TRIO: variants seen among roughly 807,000 people sequenced by gnomAD.
TRIO encodes the protein triple functional domain protein.
In TRIO, 58 loss-of-function variants were observed where a neutral mutation model predicts 351.9. That is an observed-to-expected ratio of 0.16 (90% CI 0.13 to 0.21). TRIO has a LOEUF of 0.21. TRIO is among the 10% of genes least tolerant of loss of function. The probability of loss-of-function intolerance (pLI) is 1.00; values close to 1 mark genes in which losing one functional copy is unlikely to be tolerated. For synonymous variants in TRIO, 1,758 were observed against 1,595.7 expected, an observed-to-expected ratio of 1.10 and a Z score of -2.42; for missense variants, 3,201 against 4,027.8, an observed-to-expected ratio of 0.79 and a Z score of 5.56.
chr5:14,253,518 T>C (rs116084893), intron 1 of TRIO, among the ~76,000 whole-genome samples: 1,716 of 152,252 alleles, frequency 0.011, 18 homozygotes, highest in Non-Finnish European at 0.017. Context: ...TTCTTTTTTT[T>C]TGTGGAGACA....
At chr5:14,336,854 T>G (rs1741463645) in intron 11 of TRIO, 127 bp downstream of exon 11, 1 of 1,006,622 alleles carries the variant, frequency 9.9e-7, no homozygotes, top group Non-Finnish European at 1.5e-6. Context: ...ATGTAGCCCA[T>G]TAGTGCTGAG....
intron 1 of TRIO, among the ~76,000 whole-genome samples, chr5:14,265,703 T>C (rs1056119857): frequency 6.6e-6 from 1 of 152,214 alleles, no homozygotes; most frequent in Admixed American, 6.5e-5. Flanking sequence ...TTTGTCTCAG[T>C]GCAGCATCTC....
At chr5:14,503,087 A>G (rs1325804775) in intron 54 of TRIO, among the ~76,000 whole-genome samples, 2 of 152,222 alleles carry the variant, frequency 1.3e-5, no homozygotes, top group Non-Finnish European at 2.9e-5. Flanking sequence ...TTCCCCATCA[A>G]AGGGGTTCTT....
intron 38 of TRIO, 43 bp downstream of exon 38, chr5:14,471,509 G>T (rs369087014): frequency 3.1e-6 from 5 of 1,607,188 alleles, no homozygotes; most frequent in Non-Finnish European, 4.3e-6. Flanking sequence ...TCTGGGTTCC[G>T]TCCTGTCTTT....
intron 3 of TRIO, among the ~76,000 whole-genome samples, chr5:14,281,375 A>T (rs755959878): frequency 2.5e-4 from 38 of 151,350 alleles, no homozygotes; most frequent in Non-Finnish European, 4.4e-4. Context: ...AGATCTCATG[A>T]GAACTCCATC....
Position 14,290,888 on chromosome 5 carries a change from A to G in TRIO, c.713A>G (p.Gln238Arg). The stretch of plus-strand genomic sequence containing the variant: ...ATGCTGTCTCGGCTGGAGGAACTTC[A>G]GGACATCCTAGCTAAGAAGGAGCTG... ...THMLSRLEEL[Q>R]DILAKKELPQ... Residue 238 changes from glutamine to arginine, a missense_variant, in exon 5 of 57, where the codon CAG (glutamine) becomes CGG (arginine). Transcript: ENST00000344204. 6.2e-7 allele frequency: 1 copy of G among 1,614,192 alleles called. No individual in the cohort carries two copies. Among genetic ancestry groups the G allele is most frequent in the African/African-American group, 1.3e-5 (1 of 75,050 alleles).
rs541195944 is a variant in TRIO, at chr5:14,409,872, C to T, written c.4959+3200C>T. Among the ~76,000 whole-genome samples the T allele has an allele frequency of 2.0e-4, 31 of 151,546 alleles. No individual in the cohort carries two copies. The East Asian group carries it at 3.5e-3, about 17-fold the overall frequency. On this transcript the variant is annotated intron_variant, in intron 33 of 56. Coordinates refer to ENST00000344204, the MANE Select transcript of TRIO (RefSeq NM_007118.4). ...AAAAAAAGAAATCCCTGAAGGGTCT[C>T]TCCTGCCAGTTCCACCATTGCCTCT...
At position 14,304,512 on chromosome 5, in the gene TRIO, C is replaced by T. The variant is rs139674608; in HGVS notation, c.1420C>T (p.Pro474Ser). Reference sequence around the variant, plus strand: ...TAAAGCTTGCGGTGAGGTAGACCTTCCCTCAGAGCTGCAGGACCTAGAAGA... The same window carrying T: ...TAAAGCTTGCGGTGAGGTAGACCTTTCCTCAGAGCTGCAGGACCTAGAAGA... ...WCKACGEVDL[P>S]SELQDLEDAI... Residue 474 changes from proline (P) to serine (S), a missense_variant, in exon 8 of 57, where the codon CCC becomes TCC. Around this residue, in one of 19 missense-constraint regions of TRIO, gnomAD observed 349 missense variants for 449.3 expected, o/e 0.78. Coordinates refer to ENST00000344204, the MANE Select transcript of TRIO (RefSeq NM_007118.4). The T allele has an allele frequency of 6.2e-7, 1 of 1,613,932 alleles. No individual in the cohort carries two copies. The highest frequency in any genetic ancestry group is 8.5e-7 in the Non-Finnish European group (1 of 1,179,926).
rs186296040 is a variant in TRIO at position 14,238,585 on chromosome 5, T to G, written c.158-32240T>G. On this transcript the variant is annotated intron_variant, in intron 1 of 56. Coordinates refer to ENST00000344204, the MANE Select transcript of TRIO (RefSeq NM_007118.4). ...GGGGTATGAATCTTTCTTCTTTATG[T>G]TCCATGCACATTTAATAGCAGACGA... 1.1e-3 allele frequency among the ~76,000 whole-genome samples: 165 copies of G among 152,354 alleles called. 2 individuals carry two copies. The highest frequency in any genetic ancestry group is 4.4e-5 in the Non-Finnish European group (3 of 68,032).
In TRIO at chr5:14,481,231, C is replaced by T; in HGVS notation, c.6337-3C>T. 1.2e-6 allele frequency: 2 copies of T among 1,613,626 alleles called. No individual in the cohort carries two copies. The highest frequency in any genetic ancestry group is 1.7e-6 in the Non-Finnish European group (2 of 1,179,794). On this transcript the variant is annotated splice_polypyrimidine_tract_variant and splice_region_variant and intron_variant, in intron 43 of 56. Coordinates refer to ENST00000344204, the MANE Select transcript of TRIO (RefSeq NM_007118.4). ...TATCATGTCCTCTCCATTTCCCTTG[C>T]AGGACTTCCTCAAGTATTCCAAAAA... is the stretch of plus-strand genomic sequence containing the variant.
chr5:14,491,939 C>T (rs569125699), intron 48 of TRIO, among the ~76,000 whole-genome samples: 4 of 152,204 alleles, frequency 2.6e-5, no homozygotes, highest in Admixed American at 6.5e-5. Flanking sequence ...GTTCGTATTG[C>T]TGGAGACAGA....
chr5:14,506,353 G>T (rs923809046), intron 55 of TRIO, among the ~76,000 whole-genome samples: 10 of 152,230 alleles, frequency 6.6e-5, no homozygotes, highest in Non-Finnish European at 1.5e-4. Context: ...ACAGGCAGCT[G>T]ATCTTCCTAC....
At chr5:14,189,470 C>A (rs1221434783) in intron 1 of TRIO, among the ~76,000 whole-genome samples, 1 of 152,122 alleles carries the variant, frequency 6.6e-6, no homozygotes, top group Non-Finnish European at 1.5e-5. Flanking sequence ...GTTAATCCCC[C>A]CAAATACAAA....
At chr5:14,479,460 A>G (rs1755353011) in intron 42 of TRIO, 110 bp downstream of exon 42, 1 of 891,706 alleles carries the variant, frequency 1.1e-6, no homozygotes, top group Non-Finnish European at 1.7e-6. Context: ...AAAGAAAATT[A>G]GCCTGAGTGA....
chr5:14,249,879 G>A (rs1011829439), intron 1 of TRIO, among the ~76,000 whole-genome samples: 3 of 152,194 alleles, frequency 2.0e-5, no homozygotes, highest in African/African-American at 7.2e-5. Flanking sequence ...ATGGAAAGCT[G>A]TGATCTGGAA....
At chr5:14,503,325 T>C (rs956075361) in intron 54 of TRIO, among the ~76,000 whole-genome samples, 1 of 152,208 alleles carries the variant, frequency 6.6e-6, no homozygotes, top group African/African-American at 2.4e-5. Flanking sequence ...ATTCCTGAGG[T>C]CATAACTAGT....
In TRIO at chr5:14,397,054, G is replaced by A. The variant is rs557039091; in HGVS notation, c.4323G>A (p.Thr1441=). The part of the protein sequence containing the change: ...KYQLLLKELL[T]CCEEGKGEIK... ...GTTTATCTTTGCAGGAGCTGCTGAC[G>A]TGCTGTGAGGAAGGAAAGGGAGAGA... The change falls in exon 29 of 57, where the codon ACG becomes ACA. Residue 1441 remains threonine, a synonymous_variant. Coordinates refer to ENST00000344204, the MANE Select transcript of TRIO (RefSeq NM_007118.4). 7.5e-6 allele frequency: 12 copies of A among 1,604,962 alleles called. No homozygotes were observed. Among genetic ancestry groups the A allele is most frequent in the African/African-American group, 2.7e-5 (2 of 74,856 alleles).
intron 4 of TRIO, 78 bp from the exon 5 acceptor site, chr5:14,290,638 T>C (rs1207065275): frequency 1.1e-5 from 15 of 1,421,932 alleles, no homozygotes; most frequent in East Asian, 2.3e-5. Context: ...AACCTGTGAC[T>C]GAGCATTGCA....
At chr5:14,336,755 T>A in intron 11 of TRIO, 28 bp downstream of exon 11, 1 of 1,612,450 alleles carries the variant, frequency 6.2e-7, no homozygotes, top group Non-Finnish European at 8.5e-7. Context: ...CAAAATATGA[T>A]CTGTGCTTGA....
Sources: allele counts gnomAD v4.1 joint callset (sites outside exome capture counted in the v4.1 genomes callset), GRCh38; gene constraint gnomAD v4.1.1; regional missense constraint gnomAD v4.1.1; transcripts MANE v1.5; gene names NCBI Gene and HGNC (gene_info 2026-07-23, HGNC 2026-07-21).